Variants in MYRFL observed in about 807,000 individuals in gnomAD.
The protein encoded by MYRFL is myelin regulatory factor like.
In MYRFL, 88 loss-of-function variants were observed where a neutral mutation model predicts 109.4. That is an observed-to-expected ratio of 0.80 (90% CI 0.68 to 0.96). MYRFL has a LOEUF of 0.96. MYRFL is among the 40% of genes least tolerant of loss of function. The probability of loss-of-function intolerance (pLI) is 0.00; values close to 1 mark genes in which losing one functional copy is unlikely to be tolerated. For missense variants in MYRFL, 957 were observed against 954.9 expected, an observed-to-expected ratio of 1.00 and a Z score of -0.03; for synonymous variants, 324 against 320.9, an observed-to-expected ratio of 1.01 and a Z score of -0.10.
intron 1 of MYRFL, among the ~76,000 whole-genome samples, chr12:69,848,104 A>G (rs1295961998): frequency 6.6e-6 from 1 of 152,114 alleles, no homozygotes; most frequent in Non-Finnish European, 1.5e-5. Context: ...AAAATGATAC[A>G]TCTATCACAA....
chr12:69,892,354 A>C (rs11177931), intron 7 of MYRFL, among the ~76,000 whole-genome samples: 24,095 of 152,104 alleles, frequency 0.16, 2,447 homozygotes, highest in African/African-American at 0.29. Flanking sequence ...TTGTAACTTC[A>C]TATCCAGTTC....
intron 19 of MYRFL, among the ~76,000 whole-genome samples, chr12:69,950,001 ATAG>A: frequency 6.6e-6 from 1 of 152,334 alleles, no homozygotes; most frequent in South Asian, 2.1e-4. Context: ...GTGTTAACAA[ATAG>A]TAGGTGTAAT....
chr12:69,913,392 A>G (rs183313105), intron 13 of MYRFL, among the ~76,000 whole-genome samples: 1 of 152,252 alleles, frequency 6.6e-6, no homozygotes, highest in East Asian at 1.9e-4. Context: ...CAATATTGTA[A>G]AGATTGTGCC....
chr12:69,907,296 G>A (rs1408126766), intron 11 of MYRFL, among the ~76,000 whole-genome samples: 2 of 152,220 alleles, frequency 1.3e-5, no homozygotes, highest in African/African-American at 2.4e-5. Flanking sequence ...GAGGATGATA[G>A]TAGTACCAGA....
chr12:69,920,127 C>G (rs1488765382), intron 13 of MYRFL, among the ~76,000 whole-genome samples: 2 of 152,130 alleles, frequency 1.3e-5, no homozygotes, highest in Non-Finnish European at 2.9e-5. Context: ...AGAGGGAACT[C>G]AAGGGCTTTC....
chr12:69,926,939 T>G (rs1355942297), intron 14 of MYRFL, among the ~76,000 whole-genome samples: 1 of 131,530 alleles, frequency 7.6e-6, no homozygotes, highest in African/African-American at 2.8e-5. Flanking sequence ...GCTGGTTTTT[T>G]TTTTTTTTTT....
At chr12:69,914,115 T>C (rs1954661374) in intron 13 of MYRFL, among the ~76,000 whole-genome samples, 1 of 152,156 alleles carries the variant, frequency 6.6e-6, no homozygotes, top group South Asian at 2.1e-4. Flanking sequence ...TGTTATTGTA[T>C]AGAAATGCAG....
intron 1 of MYRFL, 85 bp from the exon 2 acceptor site, chr12:69,855,195 T>C (rs1884198654): frequency 1.6e-6 from 1 of 640,948 alleles, no homozygotes; most frequent in African/African-American, 1.8e-5. Context: ...ACACAGTCCC[T>C]GACCTTAAAG....
intron 2 of MYRFL, among the ~76,000 whole-genome samples, chr12:69,869,498 T>C (rs973141819): frequency 2.6e-5 from 4 of 151,972 alleles, no homozygotes; most frequent in Non-Finnish European, 4.4e-5. Context: ...CCATTTTAGA[T>C]TGGGTGGTCA....
chr12:69,933,083 A>G (rs1566035797), intron 16 of MYRFL, among the ~76,000 whole-genome samples: 1 of 152,244 alleles, frequency 6.6e-6, no homozygotes, highest in African/African-American at 2.4e-5. Flanking sequence ...AAGGGACACC[A>G]AGATATACCA....
rs1172118045 is a variant in MYRFL, at chr12:69,935,817, C to T, written c.1917-296C>T. The T allele has an allele frequency of 1.3e-5, 5 of 399,502 alleles. No homozygotes were observed. In the East Asian group the frequency reaches 2.1e-4, roughly 17 times the overall value. 24.7% of individuals were successfully genotyped at this position (399,502 alleles called of 1,614,324 possible). ...ACATGCTTCCTCTTGTAATCTTCCA[C>T]TAGTGACAGGCACCTCTGAGACAGC... On this transcript the variant is annotated intron_variant, in intron 16 of 24. Transcript: ENST00000552032.
intron 13 of MYRFL, among the ~76,000 whole-genome samples, chr12:69,913,123 A>G (rs1049603778): frequency 7.9e-5 from 12 of 152,122 alleles, no homozygotes; most frequent in African/African-American, 1.4e-4. Flanking sequence ...AAAAATGTCA[A>G]TTCAAGTCCT....
chr12:69,956,519 T>C (rs1956100012), intron 22 of MYRFL, among the ~76,000 whole-genome samples: 1 of 152,186 alleles, frequency 6.6e-6, no homozygotes, highest in South Asian at 2.1e-4. Flanking sequence ...TGTCTCCTGA[T>C]TTTAGTCTCT....
chr12:69,925,981 G>C (rs1955061048), intron 13 of MYRFL, among the ~76,000 whole-genome samples: 1 of 140,724 alleles, frequency 7.1e-6, no homozygotes, highest in Non-Finnish European at 1.5e-5. Context: ...CCAGGTCTTT[G>C]TTCCTTCTTC....
At chr12:69,854,163 G>A (rs1393228716) in intron 1 of MYRFL, among the ~76,000 whole-genome samples, 2 of 152,188 alleles carry the variant, frequency 1.3e-5, no homozygotes, top group African/African-American at 2.4e-5. Flanking sequence ...CGGCCAACAC[G>A]GGAAACCCCG....
intron 19 of MYRFL, among the ~76,000 whole-genome samples, chr12:69,937,758 A>G (rs1955515423): frequency 6.6e-6 from 1 of 152,214 alleles, no homozygotes; most frequent in Non-Finnish European, 1.5e-5. Flanking sequence ...TACATAGAAT[A>G]TGGTCAGTGG....
intron 19 of MYRFL, among the ~76,000 whole-genome samples, chr12:69,940,616 C>T (rs527878209): frequency 6.6e-6 from 1 of 152,294 alleles, no homozygotes; most frequent in African/African-American, 2.4e-5. Flanking sequence ...TAGGAAGAAA[C>T]TGCATCAACT....
chr12:69,846,225 C>T (rs1415323336), intron 1 of MYRFL, among the ~76,000 whole-genome samples: 1 of 145,154 alleles, frequency 6.9e-6, no homozygotes, highest in Non-Finnish European at 1.5e-5. Flanking sequence ...TTTTAGGGTA[C>T]ATGTGCACAA....
chr12:69,891,663 T>A lies in MYRFL; in HGVS notation c.903+497T>A, dbSNP rs1389182831. On this transcript the variant is annotated intron_variant, in intron 7 of 24. Coordinates refer to ENST00000552032, the MANE Select transcript of MYRFL (RefSeq NM_182530.3). Reference sequence around the variant, plus strand: ...TTTCTTTCTTTCTTTCTTTCTTTCTTTCTTTCTTTCTTTCTTTCTTTCGTT... The same window carrying A: ...TTTCTTTCTTTCTTTCTTTCTTTCTATCTTTCTTTCTTTCTTTCTTTCGTT... 1.8e-5 allele frequency among the ~76,000 whole-genome samples: 2 copies of A among 111,180 alleles called. 1 individual carries two copies. The highest frequency in any genetic ancestry group is 7.9e-5 in the African/African-American group (2 of 25,286). 72.9% of individuals were successfully genotyped at this position (111,180 alleles called of 152,430 possible). A position where few individuals can be genotyped will look rare whatever the true frequency, so the allele number is the denominator to read the frequency against.
Sources: gnomAD v4.1 joint callset for allele counts (sites outside exome capture counted in the v4.1 genomes callset) on GRCh38, gnomAD v4.1.1 for gene constraint, MANE v1.5 for transcripts, NCBI Gene and HGNC (gene_info 2026-07-23, HGNC 2026-07-21) for gene names.